IQCB1: variants seen among roughly 807,000 people sequenced by gnomAD.
The protein encoded by IQCB1 is IQ calmodulin-binding motif-containing protein 1.
Under a neutral mutation model 84.4 loss-of-function variants are expected in IQCB1, and 56 were observed. The ratio of observed to expected loss-of-function variants is 0.66; its 90% CI spans 0.54 to 0.83. The LOEUF is 0.83. Among genes scored for constraint, IQCB1 ranks in the 40% least tolerant of loss-of-function variants. The pLI, the probability that IQCB1 is intolerant of heterozygous loss-of-function variation, is 0.00. For missense variants in IQCB1, 629 were observed against 682.1 expected (o/e 0.92, Z 0.87); for synonymous variants, 210 against 234.8 (o/e 0.89, Z 0.96).
chr3:121,803,877 G>A (rs548107563), intron 7 of IQCB1, among the ~76,000 whole-genome samples: 1 of 152,064 alleles, frequency 6.6e-6, no homozygotes, highest in South Asian at 2.1e-4. Flanking sequence ...TAGTAGGCTT[G>A]TACTTTTTAA....
chr3:121,818,204 A>G (rs1950143979), intron 5 of IQCB1, among the ~76,000 whole-genome samples: 1 of 152,216 alleles, frequency 6.6e-6, no homozygotes, highest in Non-Finnish European at 1.5e-5. Context: ...TCTAAGGTAA[A>G]GGAGTTTCAG....
intron 7 of IQCB1, among the ~76,000 whole-genome samples, chr3:121,802,410 A>G (rs919007542): frequency 1.3e-5 from 2 of 152,100 alleles, no homozygotes; most frequent in African/African-American, 4.8e-5. Context: ...AAGTTGTTAA[A>G]TTTATAAGCA....
chr3:121,829,056 A>G (rs747593970), intron 2 of IQCB1, 84 bp from the exon 3 acceptor site: 3 of 776,504 alleles, frequency 3.9e-6, no homozygotes, highest in South Asian at 3.0e-5. Context: ...TATAATTTCA[A>G]TATAAATAAA....
At chr3:121,810,155 T>G (rs910584404) in intron 5 of IQCB1, among the ~76,000 whole-genome samples, 5 of 152,196 alleles carry the variant, frequency 3.3e-5, no homozygotes, top group Middle Eastern at 6.8e-3. Context: ...ACCCACAAAT[T>G]CATGGTTCTT....
chr3:121,786,359 T>C (rs1948738633), intron 12 of IQCB1, among the ~76,000 whole-genome samples: 1 of 151,556 alleles, frequency 6.6e-6, no homozygotes, highest in Non-Finnish European at 1.5e-5. Flanking sequence ...TGGCCAGGCA[T>C]GGTGGTTCAT....
chr3:121,812,512 CT>C (rs1158685422), intron 5 of IQCB1, among the ~76,000 whole-genome samples: 2 of 152,050 alleles, frequency 1.3e-5, no homozygotes, highest in African/African-American at 4.8e-5. Flanking sequence ...TGTAAGGAAG[CT>C]AAGAACATTG....
intron 2 of IQCB1, among the ~76,000 whole-genome samples, chr3:121,831,922 T>C (rs1013245312): frequency 2.6e-5 from 4 of 152,242 alleles, no homozygotes; most frequent in African/African-American, 9.6e-5. Context: ...ATGGCTGCAT[T>C]ATGCTACATT....
chr3:121,804,314 T>C (rs1177810672), intron 7 of IQCB1, among the ~76,000 whole-genome samples: 1 of 152,098 alleles, frequency 6.6e-6, no homozygotes, highest in Non-Finnish European at 1.5e-5. Context: ...TATAGATATA[T>C]TAAAATAATA....
At chr3:121,798,998 C>A (rs574396981) in intron 8 of IQCB1, among the ~76,000 whole-genome samples, 198 bp downstream of exon 8, 4 of 151,782 alleles carry the variant, frequency 2.6e-5, no homozygotes, top group Non-Finnish European at 5.9e-5. Context: ...AAAGTATCTT[C>A]CACATGCTAT....
chr3:121,783,715 G>A (rs1948598674), intron 12 of IQCB1, among the ~76,000 whole-genome samples: 1 of 151,342 alleles, frequency 6.6e-6, no homozygotes, highest in Non-Finnish European at 1.5e-5. Flanking sequence ...CTATACCTTG[G>A]GCATAGCTGT....
chr3:121,797,164 A>C lies in IQCB1; in HGVS notation c.830T>G (p.Leu277Arg), dbSNP rs762034318. Residue 277 changes from leucine (L) to arginine (R), a missense_variant, in exon 9 of 15, where the codon CTT becomes CGT. Transcript: ENST00000310864. Reference protein sequence around the residue: ...GTEFSQELRQLVGLLSPMVYQ... With the variant: ...GTEFSQELRQRVGLLSPMVYQ... ...GACCATTGGGCTTAAAAGGCCAACA[A>C]GCTGTCTAAGTTCTTGACTGAATTC... 1.9e-6 allele frequency: 3 copies of C among 1,611,500 alleles called. No individual in the cohort carries two copies. Among genetic ancestry groups the C allele is most frequent in the Middle Eastern group, 1.8e-4 (1 of 5,612 alleles).
chr3:121,772,537 A>G lies in IQCB1; in HGVS notation c.1567+20T>C, dbSNP rs1319489235. Reference sequence around the variant, plus strand: ...CATAGGTTGTTCCTTTTAGAGAACGAAAGTAAAATGAGCACATACTCATTA... The same window carrying G: ...CATAGGTTGTTCCTTTTAGAGAACGGAAGTAAAATGAGCACATACTCATTA... On this transcript the variant is annotated intron_variant, in intron 14 of 14. Coordinates refer to ENST00000310864, the MANE Select transcript of IQCB1 (RefSeq NM_001023570.4). 3.7e-6 allele frequency: 6 copies of G among 1,613,896 alleles called. No individual in the cohort carries two copies. Among genetic ancestry groups the G allele is most frequent in the African/African-American group, 2.7e-5 (2 of 74,950 alleles).
chr3:121,823,720 T>C (rs746690916), intron 5 of IQCB1, among the ~76,000 whole-genome samples: 98 of 151,730 alleles, frequency 6.5e-4, no homozygotes, highest in Non-Finnish European at 1.1e-3. Flanking sequence ...CTAAAGGAGG[T>C]TGTCAGGCTT....
rs142545976 is a variant in IQCB1, at chr3:121,831,221, G to A, written c.-12-2249C>T. 1.4e-3 allele frequency among the ~76,000 whole-genome samples: 192 copies of A among 140,380 alleles called. 2 individuals are homozygous for A. Among genetic ancestry groups the A allele is most frequent in the African/African-American group, 4.1e-3 (149 of 36,608 alleles). The allele number at this position is 140,380 out of a possible 152,430, so 92.1% of individuals were successfully genotyped here. A position where few individuals can be genotyped will look rare whatever the true frequency, so the allele number is the denominator to read the frequency against. ...GGATCTCACTCCTGTTGCCCAGGCTGGAGGACAATGGTACAATTATGGCTC... is the reference window on the plus strand; with the variant it reads ...GGATCTCACTCCTGTTGCCCAGGCTAGAGGACAATGGTACAATTATGGCTC... On this transcript the variant is annotated intron_variant, in intron 2 of 14. Coordinates refer to ENST00000310864, the MANE Select transcript of IQCB1 (RefSeq NM_001023570.4).
chr3:121,776,072 T>C (rs543220790), intron 13 of IQCB1, among the ~76,000 whole-genome samples: 2 of 152,294 alleles, frequency 1.3e-5, no homozygotes, highest in Admixed American at 6.5e-5. Context: ...TTAAAAATTT[T>C]TTTTGAAGAC....
At chr3:121,798,542 T>C (rs1949286549) in intron 8 of IQCB1, among the ~76,000 whole-genome samples, 1 of 151,960 alleles carries the variant, frequency 6.6e-6, no homozygotes, top group South Asian at 2.1e-4. Context: ...TCTCTGTTTC[T>C]ATATCTATAA....
At chr3:121,811,905 C>T (rs146992667) in intron 5 of IQCB1, among the ~76,000 whole-genome samples, 35 of 152,312 alleles carry the variant, frequency 2.3e-4, no homozygotes, top group African/African-American at 8.4e-4. Flanking sequence ...TCTCCCAGCA[C>T]AGTTGATATA....
intron 4 of IQCB1, 120 bp downstream of exon 4, chr3:121,828,350 C>G (rs1446060348): frequency 2.4e-6 from 2 of 842,132 alleles, no homozygotes; most frequent in East Asian, 5.2e-5. Context: ...AAAAGTACAA[C>G]CAAAACCTAC....
intron 13 of IQCB1, among the ~76,000 whole-genome samples, chr3:121,773,752 T>C (rs13098883): frequency 0.11 from 16,026 of 151,916 alleles, 1,041 homozygotes; most frequent in Non-Finnish European, 0.15. Context: ...TATAGTGTAT[T>C]AGAAAAAGAG....
Sources: gnomAD v4.1 joint callset for allele counts (sites outside exome capture counted in the v4.1 genomes callset) on GRCh38, gnomAD v4.1.1 for gene constraint, MANE v1.5 for transcripts, NCBI Gene and HGNC (gene_info 2026-07-23, HGNC 2026-07-21) for gene names.